The following RYR3 variants were observed in gnomAD, a reference collection of about 807,000 sequenced individuals.
RYR3 encodes brain ryanodine receptor-calcium release channel.
Under a neutral mutation model 584.3 loss-of-function variants are expected in RYR3, and 207 were observed. The ratio of observed to expected loss-of-function variants is 0.35; its 90% confidence interval spans 0.32 to 0.40. RYR3 has a LOEUF of 0.40. RYR3 is among the 10% of genes least tolerant of loss of function. The pLI, the probability that RYR3 is intolerant of heterozygous loss-of-function variation, is 1.00. For missense variants in RYR3, 5,616 were observed against 6,089.2 expected, an observed-to-expected ratio of 0.92 and a Z score of 2.59; for synonymous variants, 2,416 against 2,248.5, an observed-to-expected ratio of 1.07 and a Z score of -2.11.
At chr15:33,652,400 G>A (rs1418347324) in intron 31 of RYR3, among the ~76,000 whole-genome samples, 1 of 152,182 alleles carries the variant, frequency 6.6e-6, no homozygotes. Context: ...CGTCTCTTTG[G>A]TGGGATACTG....
At chr15:33,828,408 C>T (rs953246546) in intron 85 of RYR3, among the ~76,000 whole-genome samples, 14 of 152,188 alleles carry the variant, frequency 9.2e-5, no homozygotes, top group African/African-American at 2.7e-4. Context: ...GTAAGGAAGG[C>T]ATGTTGAAAG....
intron 1 of RYR3, among the ~76,000 whole-genome samples, chr15:33,466,870 T>C (rs2142145239): frequency 6.6e-6 from 1 of 152,336 alleles, no homozygotes; most frequent in East Asian, 1.9e-4. Context: ...TGAAGATTCA[T>C]AGACAAAGGA....
chr15:33,514,000 C>T (rs1020802541), intron 3 of RYR3, among the ~76,000 whole-genome samples: 2 of 152,212 alleles, frequency 1.3e-5, no homozygotes, highest in African/African-American at 2.4e-5. Flanking sequence ...ACAGCTCACG[C>T]ATTCCATGTA....
chr15:33,311,456 C>T lies in RYR3; in HGVS notation c.51+360C>T, dbSNP rs556064886. Among the ~76,000 whole-genome samples, 71 of 152,332 alleles carry T rather than the reference C, an allele frequency of 4.7e-4. No homozygotes were observed. The highest frequency in any genetic ancestry group is 1.7e-3 in the South Asian group (8 of 4,834). ...TGACCCATAAGATCGGCGTTGGAAG[C>T]CCTCGCCCCGGGGTCGGCCCTCTGA... On this transcript the variant is annotated intron_variant, in intron 1 of 103. Transcript: ENST00000634891. The surrounding 1 kb of genome is among the most constrained non-coding windows in gnomAD (Gnocchi z 4.4).
chr15:33,329,562 G>A (rs898805497), intron 1 of RYR3, among the ~76,000 whole-genome samples: 1 of 151,492 alleles, frequency 6.6e-6, no homozygotes, highest in Non-Finnish European at 1.5e-5. Flanking sequence ...TGTGTAGAGC[G>A]ATTCCACTTT....
chr15:33,511,195 A>G (rs1280840315), intron 3 of RYR3, among the ~76,000 whole-genome samples: 4 of 152,062 alleles, frequency 2.6e-5, no homozygotes, highest in Non-Finnish European at 5.9e-5. Context: ...TTGCTTGCTT[A>G]TAGTTTGTTG....
At chr15:33,338,678 G>C (rs1224563047) in intron 1 of RYR3, among the ~76,000 whole-genome samples, 1 of 152,140 alleles carries the variant, frequency 6.6e-6, no homozygotes, top group Non-Finnish European at 1.5e-5. Flanking sequence ...TCGTGACCCA[G>C]TTCCCAGCTT....
At chr15:33,428,792 T>C (rs2141699221) in intron 1 of RYR3, among the ~76,000 whole-genome samples, 1 of 152,312 alleles carries the variant, frequency 6.6e-6, no homozygotes, top group Middle Eastern at 3.4e-3. Context: ...GGGATACATG[T>C]TAGTGAAAAA....
At chr15:33,701,282 A>G (rs2280417) in intron 42 of RYR3, among the ~76,000 whole-genome samples, 31,772 of 152,166 alleles carry the variant, frequency 0.21, 3,386 homozygotes, top group Non-Finnish European at 0.23. Context: ...CAGGTAGCCA[A>G]CTTCAGAGAC....
chr15:33,754,866 A>G (rs1369730665), intron 57 of RYR3, among the ~76,000 whole-genome samples, 199 bp from the exon 58 acceptor site: 1 of 152,200 alleles, frequency 6.6e-6, no homozygotes, highest in African/African-American at 2.4e-5. Context: ...ATGAATGATA[A>G]AGGTCTTTCT....
intron 2 of RYR3, among the ~76,000 whole-genome samples, chr15:33,478,670 A>T (rs1342381002): frequency 6.6e-6 from 1 of 152,196 alleles, no homozygotes; most frequent in African/African-American, 2.4e-5. Context: ...AAAAGTCATA[A>T]CACTTACCCC....
rs7164230 is a variant in RYR3 at position 33,477,866 on chromosome 15, T to C, written c.171+4328T>C. On this transcript the variant is annotated intron_variant, in intron 2 of 103. Transcript: ENST00000634891. ...CTCCAGCCTGGGCGACAGAGCGAGA[T>C]TCTGTCTCAAGAAAAAAAAAAAAAA... Among the ~76,000 whole-genome samples, 270 of 83,560 alleles carry C rather than the reference T, an allele frequency of 3.2e-3. 63 individuals are homozygous for C. Among genetic ancestry groups the C allele is most frequent in the African/African-American group, 0.032 (243 of 7,644 alleles). 54.8% of individuals were successfully genotyped at this position (83,560 alleles called of 152,430 possible). A position where few individuals can be genotyped will look rare whatever the true frequency, so the allele number is the denominator to read the frequency against.
intron 102 of RYR3, among the ~76,000 whole-genome samples, chr15:33,863,441 A>T (rs1889255236): frequency 6.6e-6 from 1 of 152,096 alleles, no homozygotes; most frequent in Non-Finnish European, 1.5e-5. Flanking sequence ...GAAGGACATA[A>T]TTTCTACTTT....
At chr15:33,317,216 G>A (rs545763682) in intron 1 of RYR3, among the ~76,000 whole-genome samples, 38 of 151,548 alleles carry the variant, frequency 2.5e-4, no homozygotes, top group African/African-American at 9.0e-4. Flanking sequence ...TTTTTCTTTC[G>A]CTCAAAGCAC....
At chr15:33,378,830 C>CTG (rs2141167383) in intron 1 of RYR3, among the ~76,000 whole-genome samples, 1 of 152,182 alleles carries the variant, frequency 6.6e-6, no homozygotes, top group Admixed American at 6.5e-5. Flanking sequence ...CCAGGCATAG[C>CTG]TGTGTGTGCC....
At position 33,652,725 on chromosome 15, in the gene RYR3, C is replaced by T. The variant is rs1425162300; in HGVS notation, c.4150C>T (p.Arg1384Cys). 1.1e-5 allele frequency: 17 copies of T among 1,612,968 alleles called. No individual in the cohort carries two copies. The highest frequency in any genetic ancestry group is 4.5e-5 in the East Asian group (2 of 44,852). The change falls in exon 32 of 104, where the codon CGC becomes TGC. Residue 1384 changes from arginine to cysteine, a missense_variant. By Grantham distance (180) the Arg-to-Cys change is radical. Coordinates refer to ENST00000634891, the MANE Select transcript of RYR3 (RefSeq NM_001036.6). ...TCCTGTCTTGGCTCCTAGTGTGAAA[C>T]GCAGCAACTGCTACATGGTCTGGGG... is the stretch of plus-strand genomic sequence containing the variant. The part of the protein sequence containing the change: ...ERGRVHESVK[R>C]SNCYMVWGGD...
chr15:33,476,551 G>A (rs992944731), intron 2 of RYR3, among the ~76,000 whole-genome samples: 1 of 152,088 alleles, frequency 6.6e-6, no homozygotes, highest in East Asian at 1.9e-4. Flanking sequence ...TCTGTTTTGG[G>A]TTTTTTCTTT....
intron 1 of RYR3, among the ~76,000 whole-genome samples, chr15:33,355,098 C>T (rs971239276): frequency 4.0e-5 from 6 of 151,376 alleles, no homozygotes; most frequent in Admixed American, 1.3e-4. Context: ...ACAGGAGAAT[C>T]GCTTGAACCT....
In RYR3 at chr15:33,663,260, C is replaced by T. The variant is rs1401725225; in HGVS notation, c.5419-277C>T. Reference sequence around the variant, plus strand: ...ATTTCAGAAAGGGAGGCAGCATTCACGTGCATGATCTGGAGCTGGTTTTTC... The same window carrying T: ...ATTTCAGAAAGGGAGGCAGCATTCATGTGCATGATCTGGAGCTGGTTTTTC... On this transcript the variant is annotated intron_variant, in intron 35 of 103. Transcript: ENST00000634891. 3.3e-5 allele frequency among the ~76,000 whole-genome samples: 5 copies of T among 152,298 alleles called. No homozygotes were observed. In the East Asian group the frequency reaches 5.8e-4, roughly 18 times the overall value.
Sources: gnomAD v4.1 joint callset for allele counts (sites outside exome capture counted in the v4.1 genomes callset) on GRCh38, gnomAD v4.1.1 for gene constraint, Gnocchi (gnomAD v3.1) non-coding constraint, MANE v1.5 for transcripts, NCBI Gene and HGNC (gene_info 2026-07-23, HGNC 2026-07-21) for gene names.